Variants in GALNT13 observed in about 807,000 individuals in gnomAD.
GALNT13 encodes the protein UDP-GalNAc:polypeptide N-acetylgalactosaminyltransferase 13.
In GALNT13, 28 loss-of-function variants were observed where a neutral mutation model predicts 64.2. The observed-to-expected ratio is 0.44, with a 90% CI of 0.32 to 0.60. The LOEUF (loss-of-function observed/expected upper bound fraction) is 0.60. Among genes scored for constraint, GALNT13 ranks in the 20% least tolerant of loss-of-function variants. The probability of loss-of-function intolerance (pLI) is 0.05; values close to 1 mark genes in which losing one functional copy is unlikely to be tolerated. For missense variants in GALNT13, 577 were observed against 669.8 expected, an observed-to-expected ratio of 0.86 and a Z score of 1.53; for synonymous variants, 214 against 224.6, an observed-to-expected ratio of 0.95 and a Z score of 0.42.
rs1392876995 is a variant in GALNT13, at chr2:154,453,373, A to G, written c.*2822A>G. On this transcript the variant is annotated 3_prime_UTR_variant, in exon 13 of 13. Transcript: ENST00000392825. The stretch of plus-strand genomic sequence containing the variant: ...ACACATGCACACACACACACATGCA[A>G]TTCTACCTTTTTCTAACACCATCTC... 3 of 151,938 alleles carry G rather than the reference A, an allele frequency of 2.0e-5. No individual in the cohort carries two copies. Among genetic ancestry groups the G allele is most frequent in the Admixed American group, 1.3e-4 (2 of 15,192 alleles). 9.4% of individuals were successfully genotyped at this position (151,938 alleles called of 1,614,324 possible). A position where few individuals can be genotyped will look rare whatever the true frequency, so the allele number is the denominator to read the frequency against.
chr2:153,621,180 G>T, the GALNT13 span, among the ~76,000 whole-genome samples: 1 of 151,914 alleles, frequency 6.6e-6, no homozygotes, highest in African/African-American at 2.4e-5. Flanking sequence ...TAACATGCTC[G>T]AACCTACATA....
At chr2:153,209,659 G>A in the GALNT13 span, among the ~76,000 whole-genome samples, 3 of 152,110 alleles carry the variant, frequency 2.0e-5, no homozygotes, top group Non-Finnish European at 4.4e-5. Flanking sequence ...TCTTCTGCAT[G>A]TTCTAATATG....
the GALNT13 span, among the ~76,000 whole-genome samples, chr2:153,466,556 G>A: frequency 6.6e-6 from 1 of 151,910 alleles, no homozygotes; most frequent in East Asian, 1.9e-4. Flanking sequence ...AGGGGAGCTG[G>A]ATCCTTGCTT....
chr2:154,305,734 G>C (rs146083290), intron 9 of GALNT13, among the ~76,000 whole-genome samples: 17 of 152,260 alleles, frequency 1.1e-4, no homozygotes, highest in African/African-American at 3.9e-4. Flanking sequence ...GAATGTTTCA[G>C]CTCTATCTGT....
intron 3 of GALNT13, among the ~76,000 whole-genome samples, chr2:154,102,533 A>G (rs1702401351): frequency 6.6e-6 from 1 of 152,108 alleles, no homozygotes; most frequent in African/African-American, 2.4e-5. Context: ...AAATCGTGGG[A>G]GTGGGGTGAG....
chr2:153,153,097 C>T, the GALNT13 span, among the ~76,000 whole-genome samples: 5 of 152,060 alleles, frequency 3.3e-5, no homozygotes, highest in Non-Finnish European at 5.9e-5. Flanking sequence ...AATAGCCATT[C>T]AGACTGGTAT....
chr2:153,353,959 TGTA>T, the GALNT13 span, among the ~76,000 whole-genome samples: 1 of 152,146 alleles, frequency 6.6e-6, no homozygotes, highest in Non-Finnish European at 1.5e-5. Context: ...TTCTGGAAAA[TGTA>T]GTAGAAAATT....
chr2:154,043,967 C>T (rs1346472654), intron 3 of GALNT13, among the ~76,000 whole-genome samples: 1 of 151,782 alleles, frequency 6.6e-6, no homozygotes, highest in African/African-American at 2.4e-5. Flanking sequence ...CAGCTACTCA[C>T]AAGGCTGAGG....
chr2:154,082,011 T>G (rs975501360), intron 3 of GALNT13, among the ~76,000 whole-genome samples: 1 of 151,754 alleles, frequency 6.6e-6, no homozygotes, highest in Admixed American at 6.6e-5. Context: ...GTTTAAAATC[T>G]AGAAACCAAT....
At chr2:153,534,519 T>TTTG in the GALNT13 span, among the ~76,000 whole-genome samples, 1 of 98,040 alleles carries the variant, frequency 1.0e-5, no homozygotes, top group South Asian at 2.6e-4. Context: ...CCCCTCTTTC[T>TTTG]TTCTTTCTTT....
chr2:153,867,688 G>A (rs1294219797), upstream of GALNT13, among the ~76,000 whole-genome samples: 6 of 151,636 alleles, frequency 4.0e-5, no homozygotes, highest in Non-Finnish European at 8.8e-5. Context: ...GGGAGCCCTC[G>A]GCTTGTATTC....
the GALNT13 span, among the ~76,000 whole-genome samples, chr2:153,503,625 G>T: frequency 6.6e-6 from 1 of 151,972 alleles, no homozygotes; most frequent in Admixed American, 6.6e-5. Context: ...ATTTTTAGTA[G>T]AGACAAGGTT....
the GALNT13 span, among the ~76,000 whole-genome samples, chr2:153,658,874 C>T: frequency 6.6e-6 from 1 of 151,592 alleles, no homozygotes; most frequent in Non-Finnish European, 1.5e-5. Flanking sequence ...GTTTTAAATA[C>T]TATGCAAGAA....
intron 2 of GALNT13, among the ~76,000 whole-genome samples, chr2:153,915,818 A>G (rs1294340355): frequency 2.6e-5 from 4 of 152,202 alleles, no homozygotes; most frequent in African/African-American, 9.6e-5. Flanking sequence ...AAAAAATGCA[A>G]TGACAAATGA....
chr2:153,372,620 T>C, the GALNT13 span, among the ~76,000 whole-genome samples: 2 of 150,132 alleles, frequency 1.3e-5, no homozygotes, highest in African/African-American at 4.9e-5. Context: ...CACTCCAGCC[T>C]GGTGACAGAG....
chr2:154,168,599 C>T (rs1238620568), intron 4 of GALNT13, among the ~76,000 whole-genome samples: 1 of 149,348 alleles, frequency 6.7e-6, no homozygotes, highest in Non-Finnish European at 1.5e-5. Flanking sequence ...CTTTGGGAGG[C>T]TGAGGCAGGC....
intron 3 of GALNT13, among the ~76,000 whole-genome samples, chr2:153,991,023 G>A (rs28420351): frequency 0.061 from 9,333 of 152,158 alleles, 596 homozygotes; most frequent in African/African-American, 0.16. Flanking sequence ...AAATCTCTGG[G>A]GACATATGTT....
the GALNT13 span, among the ~76,000 whole-genome samples, chr2:153,479,059 T>G: frequency 6.6e-6 from 1 of 152,206 alleles, no homozygotes; most frequent in African/African-American, 2.4e-5. Flanking sequence ...TCTAGCTTGA[T>G]GGATGATTAA....
the GALNT13 span, among the ~76,000 whole-genome samples, chr2:153,567,037 A>G: frequency 1.3e-5 from 2 of 152,130 alleles, no homozygotes; most frequent in African/African-American, 4.8e-5. Context: ...TTGTCCTTTT[A>G]TACTCTTCTT....
Sources: gnomAD v4.1 joint callset for allele counts (sites outside exome capture counted in the v4.1 genomes callset) on GRCh38, gnomAD v4.1.1 for gene constraint, MANE v1.5 for transcripts, NCBI Gene and HGNC (gene_info 2026-07-23, HGNC 2026-07-21) for gene names.